RARB: variants seen among roughly 807,000 people sequenced by gnomAD.
RARB encodes the protein retinoic acid receptor beta, also known as HBV-activated protein.
RARB carries 17 observed loss-of-function variants against 51.9 expected under a neutral mutation model. That is an observed-to-expected ratio of 0.33 (90% CI 0.22 to 0.49). RARB has a LOEUF of 0.49. RARB is among the 20% of genes least tolerant of loss of function. The pLI, the probability that RARB is intolerant of heterozygous loss-of-function variation, is 0.99. For missense variants in RARB, 369 were observed against 550.8 expected (o/e 0.67, Z 3.30); for synonymous variants, 215 against 195.4 (o/e 1.10, Z -0.84).
intron 3 of RARB, among the ~76,000 whole-genome samples, chr3:25,544,661 A>G (rs1357688442): frequency 6.6e-6 from 1 of 152,172 alleles, no homozygotes; most frequent in South Asian, 2.1e-4. Context: ...CTCATTTGAC[A>G]TGGTCATTCC....
At chr3:25,270,203 A>G (rs113077438) in intron 5 of RARB, among the ~76,000 whole-genome samples, 2,624 of 152,332 alleles carry the variant, frequency 0.017, 62 homozygotes, top group African/African-American at 0.058. Context: ...GTTCATAGCA[A>G]CTTAATAGCC....
chr3:25,226,442 A>T (rs545669982), intron 5 of RARB, among the ~76,000 whole-genome samples: 22 of 152,286 alleles, frequency 1.4e-4, no homozygotes, highest in Middle Eastern at 3.4e-3. Flanking sequence ...TTGAAAAGGG[A>T]CTTAAAATCA....
chr3:24,871,860 C>T (rs745958503), intron 2 of RARB, among the ~76,000 whole-genome samples: 1 of 152,086 alleles, frequency 6.6e-6, no homozygotes, highest in Non-Finnish European at 1.5e-5. Context: ...TTTATTGCCT[C>T]GCTAGTAATC....
At chr3:25,257,281 G>T (rs1296697692) in intron 5 of RARB, among the ~76,000 whole-genome samples, 1 of 152,042 alleles carries the variant, frequency 6.6e-6, no homozygotes, top group Non-Finnish European at 1.5e-5. Flanking sequence ...ATCTTAAGGG[G>T]CATGTTGGCC....
chr3:25,246,966 T>G (rs555877282), intron 5 of RARB, among the ~76,000 whole-genome samples: 2 of 152,302 alleles, frequency 1.3e-5, no homozygotes, highest in African/African-American at 2.4e-5. Context: ...GAGGGGAGTT[T>G]CATCTATAAG....
At chr3:25,209,006 C>T (rs953695195) in intron 5 of RARB, among the ~76,000 whole-genome samples, 11 of 152,342 alleles carry the variant, frequency 7.2e-5, no homozygotes, top group African/African-American at 2.6e-4. Flanking sequence ...TGAAGCATGG[C>T]TCCCTGTGTT....
intron 3 of RARB, among the ~76,000 whole-genome samples, chr3:25,126,099 C>T (rs1699855317): frequency 1.3e-5 from 2 of 152,090 alleles, no homozygotes; most frequent in Admixed American, 6.6e-5. Flanking sequence ...TTTTTTGCTG[C>T]TCTAGTGTGT....
rs75467969 is a variant in RARB, at chr3:24,880,834, G to A, written c.-380+22082G>A. 1.5e-3 allele frequency among the ~76,000 whole-genome samples: 228 copies of A among 152,236 alleles called. 6 individuals are homozygous for A. In the East Asian group the frequency reaches 0.035, roughly 23 times the overall value. On this transcript the variant is annotated intron_variant, in intron 2 of 11. Transcript: ENST00000383772. ...TATAGTTACTTTCTATAAAAATGTT[G>A]TGTTACTGTGAACTTATGTTAAATA...
At chr3:25,068,201 CA>C (rs996946462) in intron 3 of RARB, among the ~76,000 whole-genome samples, 2 of 95,582 alleles carry the variant, frequency 2.1e-5, no homozygotes, top group Admixed American at 2.2e-4. Flanking sequence ...GTTCAACAGT[CA>C]AAAAATCTGT....
chr3:25,139,467 A>G (rs1700078301), intron 4 of RARB, among the ~76,000 whole-genome samples: 1 of 152,194 alleles, frequency 6.6e-6, no homozygotes. Context: ...ACATTCCCTT[A>G]ACACCTAATC....
chr3:24,892,235 A>G (rs62230562), intron 2 of RARB, among the ~76,000 whole-genome samples: 15 of 140,380 alleles, frequency 1.1e-4, no homozygotes, highest in Admixed American at 2.9e-4. Context: ...AAAAAAAAAA[A>G]GGGATGTAGG....
At chr3:25,209,086 G>A (rs1701631722) in intron 5 of RARB, among the ~76,000 whole-genome samples, 1 of 152,190 alleles carries the variant, frequency 6.6e-6, no homozygotes, top group Non-Finnish European at 1.5e-5. Context: ...CTCACTGTCA[G>A]CATAACAAGT....
At chr3:25,285,890 A>G (rs1461901795) in intron 5 of RARB, among the ~76,000 whole-genome samples, 3 of 151,962 alleles carry the variant, frequency 2.0e-5, no homozygotes, top group African/African-American at 4.8e-5. Flanking sequence ...GTAACCACCA[A>G]TATACACATA....
chr3:25,419,165 G>A (rs1276142074), intron 5 of RARB, among the ~76,000 whole-genome samples: 1 of 152,062 alleles, frequency 6.6e-6, no homozygotes, highest in Non-Finnish European at 1.5e-5. Context: ...TTTAGGTGGT[G>A]CTCTGTGTCC....
intron 2 of RARB, among the ~76,000 whole-genome samples, chr3:24,961,810 AC>A (rs1231366316): frequency 6.6e-6 from 1 of 151,640 alleles, no homozygotes. Flanking sequence ...GCTTGAGAAC[AC>A]CCTGTACATC....
intron 2 of RARB, among the ~76,000 whole-genome samples, chr3:24,978,720 T>G (rs771375659): frequency 6.6e-6 from 1 of 152,174 alleles, no homozygotes; most frequent in African/African-American, 2.4e-5. Context: ...ATTGATTTTT[T>G]TTTTTGAAGG....
At chr3:25,116,931 A>T (rs9870264) in intron 3 of RARB, among the ~76,000 whole-genome samples, 1,617 of 152,280 alleles carry the variant, frequency 0.011, 24 homozygotes, top group African/African-American at 0.036. Context: ...TATTGCATAG[A>T]CAAGAAGTAA....
intron 2 of RARB, among the ~76,000 whole-genome samples, chr3:24,993,697 G>A (rs532847310): frequency 2.6e-5 from 4 of 152,010 alleles, no homozygotes; most frequent in Admixed American, 2.6e-4. Context: ...CAAATCCTCT[G>A]TTCTACTTTT....
chr3:25,529,944 G>C (rs1204988275), intron 3 of RARB, among the ~76,000 whole-genome samples: 1 of 152,170 alleles, frequency 6.6e-6, no homozygotes, highest in Non-Finnish European at 1.5e-5. Flanking sequence ...TCTCGGGTTA[G>C]GGTCAGATTG....
Sources: allele counts gnomAD v4.1 joint callset (sites outside exome capture counted in the v4.1 genomes callset), GRCh38; gene constraint gnomAD v4.1.1; transcripts MANE v1.5; gene names NCBI Gene and HGNC (gene_info 2026-07-23, HGNC 2026-07-21).